GLRA3: variants seen among roughly 807,000 people sequenced by gnomAD.
GLRA3 encodes the protein glycine receptor alpha 3.
Under a neutral mutation model 60.4 loss-of-function variants are expected in GLRA3, and 44 were observed. The observed-to-expected ratio is 0.73, with a 90% CI of 0.57 to 0.94. The LOEUF (loss-of-function observed/expected upper bound fraction) is 0.94, where lower values mean the gene tolerates loss of function less well. GLRA3 is among the 40% of genes least tolerant of loss of function. GLRA3 has a pLI of 0.00. For missense variants in GLRA3, 508 were observed against 564.6 expected (o/e 0.90, Z 1.02); for synonymous variants, 223 against 192.9 (o/e 1.16, Z -1.29).
At chr4:174,789,056 AACCTTTAGATATCAT>A (rs1447514773) in intron 1 of GLRA3, 113 bp from the exon 2 acceptor site, 1 of 628,704 alleles carries the variant, frequency 1.6e-6, no homozygotes, top group Non-Finnish European at 2.7e-6. Context: ...ACAAAACATA[AACCTTTAGATATCAT>A]ACAGTGAAGA....
intron 3 of GLRA3, among the ~76,000 whole-genome samples, chr4:174,765,622 T>A (rs2111234255): frequency 6.6e-6 from 1 of 152,104 alleles, no homozygotes; most frequent in East Asian, 1.9e-4. Flanking sequence ...AAATGTTGGG[T>A]ATAAATCAGG....
chr4:174,678,552 G>A (rs72706151), intron 6 of GLRA3, among the ~76,000 whole-genome samples: 11 of 152,106 alleles, frequency 7.2e-5, no homozygotes, highest in African/African-American at 2.4e-4. Flanking sequence ...TGGGCCGTGC[G>A]TGATTGCACA....
chr4:174,713,249 G>T (rs1293261441), intron 5 of GLRA3, among the ~76,000 whole-genome samples: 1 of 152,014 alleles, frequency 6.6e-6, no homozygotes, highest in Non-Finnish European at 1.5e-5. Context: ...AAACAAAGGG[G>T]AAAGAAAAGA....
At chr4:174,750,281 T>C (rs1325664711) in intron 3 of GLRA3, among the ~76,000 whole-genome samples, 1 of 152,148 alleles carries the variant, frequency 6.6e-6, no homozygotes, top group East Asian at 1.9e-4. Context: ...TTCTAGATGC[T>C]GTGTATTAGC....
intron 3 of GLRA3, among the ~76,000 whole-genome samples, chr4:174,730,098 A>G (rs903470000): frequency 1.3e-5 from 2 of 152,196 alleles, no homozygotes; most frequent in Admixed American, 6.5e-5. Flanking sequence ...CAAAGTGACA[A>G]TGGAGCAGAA....
chr4:174,775,859 G>A (rs192441188), intron 2 of GLRA3, among the ~76,000 whole-genome samples: 2 of 149,484 alleles, frequency 1.3e-5, no homozygotes, highest in Non-Finnish European at 3.0e-5. Flanking sequence ...AAATTTTAGT[G>A]AGAATAAATG....
intron 1 of GLRA3, among the ~76,000 whole-genome samples, chr4:174,827,917 T>A (rs1741043724): frequency 6.6e-6 from 1 of 152,114 alleles, no homozygotes; most frequent in African/African-American, 2.4e-5. Flanking sequence ...CTATGGTAAT[T>A]AATTGTAACA....
chr4:174,734,044 G>A (rs918961265), intron 3 of GLRA3, among the ~76,000 whole-genome samples: 2 of 151,866 alleles, frequency 1.3e-5, no homozygotes, highest in Non-Finnish European at 2.9e-5. Context: ...GGTAATTGGA[G>A]ATGGTAGAAA....
chr4:174,816,991 G>A (rs540560899), intron 1 of GLRA3, among the ~76,000 whole-genome samples: 24 of 152,130 alleles, frequency 1.6e-4, no homozygotes, highest in African/African-American at 5.5e-4. Flanking sequence ...TTTCTGAGAC[G>A]ATCTGACCAT....
chr4:174,773,499 A>G (rs1334979165), intron 2 of GLRA3, among the ~76,000 whole-genome samples: 1 of 152,148 alleles, frequency 6.6e-6, no homozygotes, highest in Non-Finnish European at 1.5e-5. Flanking sequence ...GTTCATAAAA[A>G]TGACTAAGGA....
chr4:174,694,414 A>G (rs1315355871), intron 5 of GLRA3, among the ~76,000 whole-genome samples: 3 of 152,214 alleles, frequency 2.0e-5, no homozygotes, highest in African/African-American at 7.2e-5. Context: ...CAATCAAAAC[A>G]GAAGTCCGCA....
intron 1 of GLRA3, among the ~76,000 whole-genome samples, chr4:174,794,980 G>A (rs978282339): frequency 6.6e-6 from 1 of 151,434 alleles, no homozygotes; most frequent in Non-Finnish European, 1.5e-5. Context: ...AAAGAGCCTG[G>A]CATCATGCCT....
intron 5 of GLRA3, among the ~76,000 whole-genome samples, chr4:174,703,446 C>A (rs1376637234): frequency 6.6e-6 from 1 of 152,130 alleles, no homozygotes; most frequent in East Asian, 1.9e-4. Context: ...AGATTATTTT[C>A]TCTAAATTTT....
At chr4:174,680,140 C>T (rs1440302972) in intron 6 of GLRA3, among the ~76,000 whole-genome samples, 1 of 151,934 alleles carries the variant, frequency 6.6e-6, no homozygotes, top group African/African-American at 2.4e-5. Flanking sequence ...TATTATGTAT[C>T]TATAAAAATT....
chr4:174,661,697 C>T (rs1022408468), intron 7 of GLRA3, among the ~76,000 whole-genome samples: 1 of 152,176 alleles, frequency 6.6e-6, no homozygotes, highest in Non-Finnish European at 1.5e-5. Flanking sequence ...GGCAATCTGG[C>T]AGCATCCTTG....
In GLRA3 at chr4:174,721,611, T is replaced by C. The variant is rs528285807; in HGVS notation, c.492-6041A>G. Among the ~76,000 whole-genome samples the C allele has an allele frequency of 1.6e-4, 24 of 151,974 alleles. No individual in the cohort carries two copies. In the South Asian group the frequency reaches 4.8e-3, roughly 30 times the overall value. On this transcript the variant is annotated intron_variant, in intron 4 of 9. Transcript: ENST00000274093. ...GCTCATTGAGTAATGGTCTTGACTGTAGGATAGTAATATGGCTGCTCAGAG... is the reference window on the plus strand; with the variant it reads ...GCTCATTGAGTAATGGTCTTGACTGCAGGATAGTAATATGGCTGCTCAGAG...
At chr4:174,814,461 C>G (rs531692120) in intron 1 of GLRA3, among the ~76,000 whole-genome samples, 1 of 152,144 alleles carries the variant, frequency 6.6e-6, no homozygotes, top group Non-Finnish European at 1.5e-5. Flanking sequence ...TCTCCTCTCT[C>G]TTTTTCTGCC....
chr4:174,653,858 T>C (rs1054358497), intron 9 of GLRA3, among the ~76,000 whole-genome samples: 1 of 152,194 alleles, frequency 6.6e-6, no homozygotes, highest in Non-Finnish European at 1.5e-5. Flanking sequence ...AGTATTATTT[T>C]CCTGAACAGA....
chr4:174,704,446 C>T lies in GLRA3; in HGVS notation c.574+11042G>A, dbSNP rs554425931. Among the ~76,000 whole-genome samples, 21 of 143,964 alleles carry T rather than the reference C, an allele frequency of 1.5e-4. 6 individuals carry two copies. The East Asian group carries it at 4.6e-3, about 31-fold the overall frequency. The allele number at this position is 143,964 out of a possible 152,430, so 94.4% of individuals were successfully genotyped here. On this transcript the variant is annotated intron_variant, in intron 5 of 9. Transcript: ENST00000274093. ...ATGGCTACTATCTGAATCACACATC[C>T]TAACAAGTGTTGGCAAGGGTGTAAA...
Sources: gnomAD v4.1 joint callset for allele counts (sites outside exome capture counted in the v4.1 genomes callset) on GRCh38, gnomAD v4.1.1 for gene constraint, MANE v1.5 for transcripts, NCBI Gene and HGNC (gene_info 2026-07-23, HGNC 2026-07-21) for gene names.